PNPLA8: variants seen among roughly 807,000 people sequenced by gnomAD.
PNPLA8 encodes calcium-independent phospholipase A2-gamma.
In PNPLA8, 39 loss-of-function variants were observed where a neutral mutation model predicts 76.9. The observed-to-expected ratio is 0.51, with a 90% confidence interval of 0.39 to 0.66. PNPLA8 has a LOEUF of 0.66. PNPLA8 is among the 30% of genes least tolerant of loss of function. The pLI is 0.00. For synonymous variants in PNPLA8, 301 were observed against 307.9 expected (o/e 0.98, Z 0.24); for missense variants, 887 against 918.0 (o/e 0.97, Z 0.44).
rs1563922685 is a variant in PNPLA8, at chr7:108,471,668, CTCAG to C, written c.*729_*732del. Reference sequence around the variant, plus strand: ...TTTTTGTTAATGATAGGAATATCTCCTCAGTAAGTTCAAACCATTTTATAACAGG... The same window carrying C: ...TTTTTGTTAATGATAGGAATATCTCCTAAGTTCAAACCATTTTATAACAGG... On this transcript the variant is annotated 3_prime_UTR_variant, in exon 11 of 11. Transcript: ENST00000257694. 2 of 152,104 alleles carry C rather than the reference CTCAG, an allele frequency of 1.3e-5. No homozygotes were observed. Among genetic ancestry groups the C allele is most frequent in the African/African-American group, 4.8e-5 (2 of 41,408 alleles). 9.4% of individuals were successfully genotyped at this position (152,104 alleles called of 1,614,324 possible).
intron 1 of PNPLA8, among the ~76,000 whole-genome samples, chr7:108,523,411 C>A (rs1421503340): frequency 1.3e-5 from 2 of 149,672 alleles, no homozygotes; most frequent in African/African-American, 4.9e-5. Flanking sequence ...TTAGCTAAAG[C>A]CGGCATCTGG....
Position 108,490,261 on chromosome 7 carries a change from T to C in PNPLA8, c.1683+1149A>G, listed in dbSNP as rs1414819809. On this transcript the variant is annotated intron_variant, in intron 8 of 10. Coordinates refer to ENST00000257694, the MANE Select transcript of PNPLA8 (RefSeq NM_001256007.3). ...TGTAGTAGGCTATACCATCTAAGTA[T>C]GTCTAAGTACACTCTATAACACAGG... Among the ~76,000 whole-genome samples the C allele has an allele frequency of 2.0e-5, 3 of 152,274 alleles. No individual in the cohort carries two copies. The East Asian group carries it at 5.8e-4, about 29-fold the overall frequency.
At chr7:108,524,752 A>C (rs964516172) in intron 1 of PNPLA8, among the ~76,000 whole-genome samples, 2 of 152,196 alleles carry the variant, frequency 1.3e-5, no homozygotes, top group African/African-American at 4.8e-5. Flanking sequence ...CCTTGCAGTG[A>C]GTCGAGATCG....
chr7:108,520,544 G>A (rs942804877), intron 2 of PNPLA8, among the ~76,000 whole-genome samples: 1 of 151,916 alleles, frequency 6.6e-6, no homozygotes, highest in African/African-American at 2.4e-5. Flanking sequence ...TACAGTAGGG[G>A]GACTATAGTT....
chr7:108,483,159 C>T (rs1477294371), intron 9 of PNPLA8, among the ~76,000 whole-genome samples: 2 of 152,186 alleles, frequency 1.3e-5, no homozygotes, highest in Non-Finnish European at 2.9e-5. Context: ...CATTAGGAGG[C>T]AACTATTAAT....
At chr7:108,522,344 T>C (rs1474847334) in intron 1 of PNPLA8, among the ~76,000 whole-genome samples, 2 of 151,370 alleles carry the variant, frequency 1.3e-5, no homozygotes, top group Non-Finnish European at 2.9e-5. Context: ...ATCTATTCAC[T>C]CTGCAGCCTG....
At chr7:108,513,205 A>T (rs1441366932) in intron 4 of PNPLA8, among the ~76,000 whole-genome samples, 2 of 152,202 alleles carry the variant, frequency 1.3e-5, no homozygotes, top group Non-Finnish European at 2.9e-5. Context: ...TGCTTTCAGT[A>T]TATCACTGAA....
chr7:108,510,509 A>C, intron 4 of PNPLA8: 1 of 1,379,098 alleles, frequency 7.3e-7, no homozygotes, highest in Non-Finnish European at 1.0e-6. Flanking sequence ...ATTTGTCATC[A>C]GAATCAGAGG....
At chr7:108,527,823 CAG>C (rs958478967), upstream of PNPLA8, 1 of 152,216 alleles carries the variant, frequency 6.6e-6, no homozygotes, top group East Asian at 1.9e-4. Flanking sequence ...AGGCCTAAGA[CAG>C]GGGCCCAAGG....
At chr7:108,518,366 G>C (rs1863490399) in intron 2 of PNPLA8, 1 of 152,030 alleles carries the variant, frequency 6.6e-6, no homozygotes, top group African/African-American at 2.4e-5. Context: ...AAATAGGTAG[G>C]GGACAGAGGA....
intron 2 of PNPLA8, among the ~76,000 whole-genome samples, chr7:108,520,332 T>C (rs143987472): frequency 6.6e-6 from 1 of 152,220 alleles, no homozygotes; most frequent in Non-Finnish European, 1.5e-5. Context: ...TACTTGTGGA[T>C]AAAAAGCCAT....
intron 8 of PNPLA8, among the ~76,000 whole-genome samples, chr7:108,490,738 T>G (rs13239449): frequency 2.0e-5 from 3 of 150,670 alleles, no homozygotes; most frequent in African/African-American, 7.3e-5. Flanking sequence ...GAGCCGAGAT[T>G]GTGCCACTGC....
At chr7:108,500,130 T>C (rs1309630090) in intron 5 of PNPLA8, among the ~76,000 whole-genome samples, 1 of 152,206 alleles carries the variant, frequency 6.6e-6, no homozygotes, top group East Asian at 1.9e-4. Flanking sequence ...AGGATCTAAA[T>C]CAGTGCTTAC....
Position 108,502,593 on chromosome 7 carries a change from G to A in PNPLA8, c.1256C>T (p.Thr419Ile), listed in dbSNP as rs981014884. The A allele has an allele frequency of 1.9e-6, 3 of 1,611,062 alleles. No homozygotes were observed. Among genetic ancestry groups the A allele is most frequent in the South Asian group, 1.1e-5 (1 of 90,994 alleles). ...AATTTCTCTAACTGCAGCCTGAAGAGTTTCATCCTTAATTTGTCTCAGTCG... is the reference window on the plus strand; with the variant it reads ...AATTTCTCTAACTGCAGCCTGAAGAATTTCATCCTTAATTTGTCTCAGTCG... ...LLRLRQIKDE[T>I]LQAAVREILA... Residue 419 changes from threonine to isoleucine, a missense_variant, in exon 5 of 11, where the codon ACT (threonine) becomes ATT (isoleucine). By Grantham distance (89) the Thr-to-Ile change is moderately conservative. Coordinates refer to ENST00000257694, the MANE Select transcript of PNPLA8 (RefSeq NM_001256007.3).
intron 2 of PNPLA8, among the ~76,000 whole-genome samples, chr7:108,518,758 T>TATACAC (rs1554690263): frequency 3.5e-4 from 43 of 123,014 alleles, no homozygotes; most frequent in African/African-American, 1.1e-3. Context: ...TATATATATA[T>TATACAC]ACACACACAC....
intron 5 of PNPLA8, among the ~76,000 whole-genome samples, chr7:108,498,254 G>A (rs1217188249): frequency 6.7e-6 from 1 of 149,690 alleles, no homozygotes; most frequent in Non-Finnish European, 1.5e-5. Context: ...ATACATTTTT[G>A]TCTTACATAT....
intron 1 of PNPLA8, among the ~76,000 whole-genome samples, chr7:108,523,229 G>T (rs1863866154): frequency 6.6e-6 from 1 of 152,194 alleles, no homozygotes; most frequent in Non-Finnish European, 1.5e-5. Context: ...AGGATGGAAA[G>T]AATGAATTTA....
intron 9 of PNPLA8, chr7:108,479,719 C>T (rs1419940690): frequency 9.6e-6 from 2 of 207,450 alleles, no homozygotes; most frequent in Non-Finnish European, 2.0e-5. Flanking sequence ...CAGAAAAGAA[C>T]TGTGGTTCTA....
intron 5 of PNPLA8, among the ~76,000 whole-genome samples, chr7:108,500,823 C>T (rs767672184): frequency 4.6e-5 from 7 of 152,018 alleles, no homozygotes; most frequent in Non-Finnish European, 8.8e-5. Flanking sequence ...AGCAGGAGAA[C>T]TGATCAGTTG....
Sources: allele counts gnomAD v4.1 joint callset (sites outside exome capture counted in the v4.1 genomes callset), GRCh38; gene constraint gnomAD v4.1.1; transcripts MANE v1.5; gene names NCBI Gene and HGNC (gene_info 2026-07-23, HGNC 2026-07-21).